The following SLTM variants were observed in gnomAD, a reference collection of about 807,000 sequenced individuals.
SLTM encodes SAFB-like transcription modulator.
SLTM carries 43 observed loss-of-function variants against 134.6 expected under a neutral mutation model. The observed-to-expected ratio is 0.32, with a 90% CI of 0.25 to 0.41. The LOEUF (loss-of-function observed/expected upper bound fraction) is 0.41, where lower values mean the gene tolerates loss of function less well. Ranked by LOEUF, SLTM falls within the 10% of genes least tolerant of loss-of-function variation. The probability of loss-of-function intolerance (pLI) is 1.00; values close to 1 mark genes in which losing one functional copy is unlikely to be tolerated. For missense variants in SLTM, 1,055 were observed against 1,288.8 expected (o/e 0.82, Z 2.78); for synonymous variants, 424 against 432.3 (o/e 0.98, Z 0.24).
chr15:58,924,608 TAAG>T (rs2037332721), intron 2 of SLTM, among the ~76,000 whole-genome samples: 2 of 152,304 alleles, frequency 1.3e-5, no homozygotes, highest in African/African-American at 4.8e-5. Flanking sequence ...CCACCAAACT[TAAG>T]AAGAAACTTT....
intron 20 of SLTM, among the ~76,000 whole-genome samples, chr15:58,881,771 T>C (rs1403066034): frequency 6.6e-6 from 1 of 152,112 alleles, no homozygotes; most frequent in Non-Finnish European, 1.5e-5. Flanking sequence ...TGATAAACTT[T>C]CTTTTTGTAG....
chr15:58,924,231 T>C (rs1282493055), intron 2 of SLTM, among the ~76,000 whole-genome samples: 7 of 152,180 alleles, frequency 4.6e-5, no homozygotes, highest in Admixed American at 3.3e-4. Context: ...TCCTAAACTA[T>C]CATAGTAGTA....
rs1355111896 is a variant in SLTM, at chr15:58,893,074, T to A, written c.1735-14A>T. ...TCTTCCATGAATCTGTAGAAAAAAA[T>A]TAGAAGAACACTAGAAATTAAAATA... On this transcript the variant is annotated splice_polypyrimidine_tract_variant and intron_variant, in intron 13 of 20. Coordinates refer to ENST00000380516, the MANE Select transcript of SLTM (RefSeq NM_024755.4). The A allele has an allele frequency of 7.7e-6, 12 of 1,562,942 alleles. No individual in the cohort carries two copies. The highest frequency in any genetic ancestry group is 9.5e-6 in the Non-Finnish European group (11 of 1,162,288).
At chr15:58,907,352 T>G (rs2035933310) in intron 5 of SLTM, among the ~76,000 whole-genome samples, 1 of 152,244 alleles carries the variant, frequency 6.6e-6, no homozygotes, top group Non-Finnish European at 1.5e-5. Context: ...CCAGGCATGA[T>G]GGCTCACACC....
rs529097469 is a variant in SLTM, at chr15:58,929,522, G to T, written c.250+2834C>A. On this transcript the variant is annotated intron_variant, in intron 2 of 20. Coordinates refer to ENST00000380516, the MANE Select transcript of SLTM (RefSeq NM_024755.4). ...TAATATATCCTTGGTTTTCAAATCT[G>T]TTCATTATTGATATTTTAATAAGTT... Among the ~76,000 whole-genome samples the T allele has an allele frequency of 1.7e-4, 26 of 152,270 alleles. No homozygotes were observed. In the South Asian group the frequency reaches 5.4e-3, roughly 32 times the overall value.
Position 58,899,993 on chromosome 15 carries a change from T to C in SLTM, c.590-56A>G. 3 of 1,388,294 alleles carry C rather than the reference T, an allele frequency of 2.2e-6. No homozygotes were observed. The highest frequency in any genetic ancestry group is 3.0e-6 in the Non-Finnish European group (3 of 1,010,208). The allele number at this position is 1,388,294 out of a possible 1,614,324, so 86.0% of individuals were successfully genotyped here. Reference sequence around the variant, plus strand: ...AAAACAAGAAGTTTAAACAATTTCATATTCATAAGCTAGAATAGGACCTAG... The same window carrying C: ...AAAACAAGAAGTTTAAACAATTTCACATTCATAAGCTAGAATAGGACCTAG... On this transcript the variant is annotated intron_variant, in intron 6 of 20. Coordinates refer to ENST00000380516, the MANE Select transcript of SLTM (RefSeq NM_024755.4). This position sits in a 1 kb window ranked among gnomAD's most constrained non-coding sequence, Gnocchi z 5.0.
At chr15:58,914,493 T>C (rs941779311) in intron 3 of SLTM, among the ~76,000 whole-genome samples, 1 of 152,182 alleles carries the variant, frequency 6.6e-6, no homozygotes, top group African/African-American at 2.4e-5. Flanking sequence ...GAGGTGGGCA[T>C]AGAGAATATG....
intron 2 of SLTM, among the ~76,000 whole-genome samples, chr15:58,922,178 C>A (rs1374369987): frequency 6.6e-6 from 1 of 151,636 alleles, no homozygotes; most frequent in Non-Finnish European, 1.5e-5. Context: ...GAGTGTGCAA[C>A]TAGCCTGGCC....
intron 17 of SLTM, chr15:58,887,765 G>A (rs1436274243): frequency 1.1e-5 from 3 of 275,714 alleles, no homozygotes; most frequent in African/African-American, 2.3e-5. Flanking sequence ...AAATGATACC[G>A]AACACTCAAA....
chr15:58,888,678 CAT>C, intron 16 of SLTM, 123 bp from the exon 17 acceptor site: 1 of 815,566 alleles, frequency 1.2e-6, no homozygotes, highest in Non-Finnish European at 1.9e-6. Context: ...AAACTCAAGA[CAT>C]AACACATCAG....
At chr15:58,922,388 A>AAAAAAAAAAAAAAAC (rs2037121978) in intron 2 of SLTM, among the ~76,000 whole-genome samples, 1 of 146,590 alleles carries the variant, frequency 6.8e-6, no homozygotes, top group African/African-American at 2.5e-5. Flanking sequence ...AAAAAAAAAA[A>AAAAAAAAAAAAAAAC]AAAAAAAAAA....
chr15:58,901,070 T>C, intron 6 of SLTM, 190 bp downstream of exon 6: 1 of 569,050 alleles, frequency 1.8e-6, no homozygotes, highest in Non-Finnish European at 3.1e-6. Context: ...AGTTGCAATA[T>C]ATCTTTAGTG....
chr15:58,880,673 AC>A (rs2033624313), intron 20 of SLTM, among the ~76,000 whole-genome samples: 1 of 152,028 alleles, frequency 6.6e-6, no homozygotes, highest in African/African-American at 2.4e-5. Flanking sequence ...TGATTCTCCC[AC>A]TTCAGCCAGC....
rs1299808584 is a variant in SLTM at position 58,894,209 on chromosome 15, C to T, written c.1378-16G>A. On this transcript the variant is annotated splice_polypyrimidine_tract_variant and intron_variant, in intron 10 of 20. Coordinates refer to ENST00000380516, the MANE Select transcript of SLTM (RefSeq NM_024755.4). ...CACCTTTTACCTGAAAGGTTCGAAC[C>T]AGAAAAACAATTTGTACATATGGTT... 1 of 1,571,838 alleles carries T rather than the reference C, an allele frequency of 6.4e-7. No individual in the cohort carries two copies. The highest frequency in any genetic ancestry group is 8.7e-7 in the Non-Finnish European group (1 of 1,149,808).
chr15:58,928,649 G>A (rs934940993), intron 2 of SLTM, among the ~76,000 whole-genome samples: 1 of 151,218 alleles, frequency 6.6e-6, no homozygotes, highest in Non-Finnish European at 1.5e-5. Context: ...ATTTTTAAAA[G>A]AAAGTTACCC....
Position 58,909,477 on chromosome 15 carries a change from G to A in SLTM, c.561+3086C>T, listed in dbSNP as rs190515710. Among the ~76,000 whole-genome samples, 10 of 152,140 alleles carry A rather than the reference G, an allele frequency of 6.6e-5. No individual in the cohort carries two copies. In the East Asian group the frequency reaches 1.9e-3, roughly 29 times the overall value. ...CTTTCCTGTGTAAATGATACCACTG[G>A]GTAACCAAATAGTAAATAAGGGAAA... On this transcript the variant is annotated intron_variant, in intron 5 of 20. Coordinates refer to ENST00000380516, the MANE Select transcript of SLTM (RefSeq NM_024755.4).
chr15:58,893,075 TAGA>T lies in SLTM; in HGVS notation c.1735-18_1735-16del. The T allele has an allele frequency of 6.4e-7, 1 of 1,563,112 alleles. No homozygotes were observed. Among genetic ancestry groups the T allele is most frequent in the Non-Finnish European group, 8.6e-7 (1 of 1,162,376 alleles). On this transcript the variant is annotated splice_polypyrimidine_tract_variant and intron_variant, in intron 13 of 20. Coordinates refer to ENST00000380516, the MANE Select transcript of SLTM (RefSeq NM_024755.4). ...CTTCCATGAATCTGTAGAAAAAAAT[TAGA>T]AGAACACTAGAAATTAAAATATTTT...
chr15:58,891,344 G>A (rs566711904), intron 14 of SLTM, among the ~76,000 whole-genome samples: 2 of 152,184 alleles, frequency 1.3e-5, no homozygotes, highest in African/African-American at 2.4e-5. Flanking sequence ...ATGCCACAAC[G>A]GACATGCACA....
At chr15:58,881,998 C>CAGG (rs1333925528) in intron 20 of SLTM, among the ~76,000 whole-genome samples, 59 of 151,788 alleles carry the variant, frequency 3.9e-4, no homozygotes, top group African/African-American at 1.2e-3. Context: ...ATCACAAGGT[C>CAGG]AGGAGTTCAA....
Sources: gnomAD v4.1 joint callset for allele counts (sites outside exome capture counted in the v4.1 genomes callset) on GRCh38, gnomAD v4.1.1 for gene constraint, Gnocchi (gnomAD v3.1) non-coding constraint, MANE v1.5 for transcripts, NCBI Gene and HGNC (gene_info 2026-07-23, HGNC 2026-07-21) for gene names.